LRRC27: variants seen among roughly 807,000 people sequenced by gnomAD.
LRRC27 encodes leucine-rich repeat-containing protein 27.
A neutral mutation model predicts 55.0 loss-of-function variants in LRRC27; 57 were observed. That is an observed-to-expected ratio of 1.04 (90% CI 0.84 to 1.29). The LOEUF is 1.29. LRRC27 is among the 50% of genes most tolerant of loss of function. The pLI is 0.00. For missense variants in LRRC27, 721 were observed against 651.5 expected (o/e 1.11, Z -1.16); for synonymous variants, 278 against 251.9 (o/e 1.10, Z -0.98).
At chr10:132,369,973 C>T (rs1035329235) in intron 10 of LRRC27, among the ~76,000 whole-genome samples, 9 of 152,166 alleles carry the variant, frequency 5.9e-5, no homozygotes, top group Admixed American at 3.3e-4. Context: ...CCACACCTGT[C>T]TCTCCATTGA....
At chr10:132,354,432 A>G (rs1275031670) in intron 7 of LRRC27, among the ~76,000 whole-genome samples, 3 of 152,098 alleles carry the variant, frequency 2.0e-5, no homozygotes, top group African/African-American at 7.2e-5. Context: ...CTCGTCCAGG[A>G]GCGCAGCGGG....
At chr10:132,344,789 G>A in intron 5 of LRRC27, 139 bp downstream of exon 5, 1 of 863,432 alleles carries the variant, frequency 1.2e-6, no homozygotes, top group Middle Eastern at 3.7e-4. Flanking sequence ...TTGACACAGT[G>A]TACACTGATC....
At chr10:132,333,014 C>A (rs2066892898) in intron 1 of LRRC27, among the ~76,000 whole-genome samples, 1 of 152,190 alleles carries the variant, frequency 6.6e-6, no homozygotes, top group South Asian at 2.1e-4. Context: ...AGACTTAGTT[C>A]TGGTCACTGG....
chr10:132,340,169 G>A (rs1352036425), intron 3 of LRRC27, among the ~76,000 whole-genome samples: 1 of 152,126 alleles, frequency 6.6e-6, no homozygotes. Flanking sequence ...CAACGTTTAC[G>A]TTTATATATT....
Position 132,355,892 on chromosome 10 carries a change from G to T in LRRC27, c.1170+6G>T. The T allele has an allele frequency of 6.5e-7, 1 of 1,548,048 alleles. No individual in the cohort carries two copies. The highest frequency in any genetic ancestry group is 8.7e-7 in the Non-Finnish European group (1 of 1,144,134). ...TGCCTCCGCGGAGGAGCATGGTACGGCACGCGCGGGCGGTGACCGGGCACT... is the reference window on the plus strand; with the variant it reads ...TGCCTCCGCGGAGGAGCATGGTACGTCACGCGCGGGCGGTGACCGGGCACT... On this transcript the variant is annotated splice_donor_region_variant and intron_variant, in intron 8 of 10. Transcript: ENST00000368614.
chr10:132,336,094 C>T lies in LRRC27; in HGVS notation c.211-1471C>T, dbSNP rs151265723. 4.8e-3 allele frequency among the ~76,000 whole-genome samples: 729 copies of T among 152,322 alleles called. 6 individuals are homozygous for T. The highest frequency in any genetic ancestry group is 0.017 in the African/African-American group (703 of 41,564). ...TTCAACCATAACCAGCTCCAAGTCA[C>T]AGGTGGTGCCTGCATTTCCAGAGGT... On this transcript the variant is annotated intron_variant, in intron 2 of 10. Transcript: ENST00000368614.
rs370761934 is a variant in LRRC27, at chr10:132,348,348, C to T, written c.918C>T (p.His306=). The part of the protein sequence containing the change: ...NIEKELPKPR[H]VFRRKTASSR... The stretch of plus-strand genomic sequence containing the variant: ...AGAAAGAACTACCAAAGCCAAGACA[C>T]GTTTTCAGGTAAAACTGAAAAGCAA... The change falls in exon 6 of 11, where the codon CAC becomes CAT. Residue 306 remains histidine (H), a synonymous_variant. Coordinates refer to ENST00000368614, the MANE Select transcript of LRRC27 (RefSeq NM_030626.3). This position sits in a 1 kb window ranked among gnomAD's most constrained non-coding sequence, Gnocchi z 4.2. 125 of 1,607,146 alleles carry T rather than the reference C, an allele frequency of 7.8e-5. No homozygotes were observed. The highest frequency in any genetic ancestry group is 1.9e-4 in the Admixed American group (11 of 59,452).
intron 10 of LRRC27, among the ~76,000 whole-genome samples, chr10:132,373,705 A>G (rs964861522): frequency 3.3e-5 from 5 of 152,192 alleles, no homozygotes; most frequent in Non-Finnish European, 5.9e-5. Flanking sequence ...AGAGGAAGGT[A>G]AGAGTTCCAG....
Position 132,364,346 on chromosome 10 carries a change from AAT to A in LRRC27, c.1290-1077_1290-1076del, listed in dbSNP as rs751190830. 1.2e-4 allele frequency among the ~76,000 whole-genome samples: 2 copies of A among 16,738 alleles called. 1 individual carries two copies. The highest frequency in any genetic ancestry group is 2.5e-4 in the Non-Finnish European group (2 of 8,162). The allele number at this position is 16,738 out of a possible 152,430, so 11.0% of individuals were successfully genotyped here. The stretch of plus-strand genomic sequence containing the variant: ...CACACCCATGACCACACCCACACTT[AAT>A]CTACCTCCACACCCGCGCTTACACC... On this transcript the variant is annotated intron_variant, in intron 9 of 10. Coordinates refer to ENST00000368614, the MANE Select transcript of LRRC27 (RefSeq NM_030626.3).
At chr10:132,364,432 TACATCTACCTCCACACCCACACTC>T in intron 9 of LRRC27, among the ~76,000 whole-genome samples, 1 of 126,074 alleles carries the variant, frequency 7.9e-6, no homozygotes, top group East Asian at 1.9e-4. Context: ...CACCCACGCT[TACATCTACCTCCACACCCACACTC>T]ACACCCACCC....
chr10:132,364,026 G>T (rs985687146), intron 9 of LRRC27, among the ~76,000 whole-genome samples: 2 of 151,884 alleles, frequency 1.3e-5, no homozygotes, highest in Non-Finnish European at 2.9e-5. Flanking sequence ...TGCCATATTT[G>T]GCCTTTAAAA....
At chr10:132,357,725 G>A (rs927782862) in intron 8 of LRRC27, among the ~76,000 whole-genome samples, 14 of 152,294 alleles carry the variant, frequency 9.2e-5, no homozygotes, top group African/African-American at 2.9e-4. Flanking sequence ...GAGAGTGTAC[G>A]CAGTTTCTTA....
rs570568479 is a variant in LRRC27, at chr10:132,347,965, C to T, written c.554-19C>T. 40 of 1,570,776 alleles carry T rather than the reference C, an allele frequency of 2.5e-5. No homozygotes were observed. The highest frequency in any genetic ancestry group is 3.0e-5 in the Non-Finnish European group (35 of 1,161,458). On this transcript the variant is annotated intron_variant, in intron 5 of 10. Coordinates refer to ENST00000368614, the MANE Select transcript of LRRC27 (RefSeq NM_030626.3). ...ATGGCGTTGATGGTAGCTACTAAAGCGGTTTCTTACTCTCCCAGAGGCTCC... is the reference window on the plus strand; with the variant it reads ...ATGGCGTTGATGGTAGCTACTAAAGTGGTTTCTTACTCTCCCAGAGGCTCC...
intron 8 of LRRC27, among the ~76,000 whole-genome samples, chr10:132,360,920 T>A (rs1190308743): frequency 1.3e-5 from 2 of 152,204 alleles, no homozygotes; most frequent in East Asian, 3.8e-4. Context: ...GGGGTCAGCG[T>A]GGCTCTCACA....
chr10:132,364,652 A>ACTTACACCCACG lies in LRRC27; in HGVS notation c.1290-766_1290-765insCCCACGCTTACA, dbSNP rs2068928740. ...ACGCCCACACTTAACACCCACCCAC[A>ACTTACACCCACG]CTTACATCTACCTGCACACCCACGC... On this transcript the variant is annotated intron_variant, in intron 9 of 10. Coordinates refer to ENST00000368614, the MANE Select transcript of LRRC27 (RefSeq NM_030626.3). Among the ~76,000 whole-genome samples, 3 of 59,190 alleles carry ACTTACACCCACG rather than the reference A, an allele frequency of 5.1e-5. 1 individual carries two copies. The highest frequency in any genetic ancestry group is 9.9e-5 in the Non-Finnish European group (3 of 30,194). The allele number at this position is 59,190 out of a possible 152,430, so 38.8% of individuals were successfully genotyped here. A position where few individuals can be genotyped will look rare whatever the true frequency, so the allele number is the denominator to read the frequency against.
chr10:132,347,981 C>T lies in LRRC27; in HGVS notation c.554-3C>T, dbSNP rs2067802510. The T allele has an allele frequency of 6.3e-7, 1 of 1,594,438 alleles. No individual in the cohort carries two copies. Among genetic ancestry groups the T allele is most frequent in the Non-Finnish European group, 8.5e-7 (1 of 1,171,618 alleles). ...CTACTAAAGCGGTTTCTTACTCTCC[C>T]AGAGGCTCCACCGGTTAGAGAGATG... On this transcript the variant is annotated splice_region_variant and splice_polypyrimidine_tract_variant and intron_variant, in intron 5 of 10. Coordinates refer to ENST00000368614, the MANE Select transcript of LRRC27 (RefSeq NM_030626.3).
At chr10:132,356,090 G>A (rs1462899224) in intron 8 of LRRC27, among the ~76,000 whole-genome samples, 1 of 152,208 alleles carries the variant, frequency 6.6e-6, no homozygotes, top group Non-Finnish European at 1.5e-5. Flanking sequence ...CTGGGTTGGA[G>A]TGCAGCATCC....
intron 2 of LRRC27, 178 bp from the exon 3 acceptor site, chr10:132,337,387 C>T (rs1232994065): frequency 1.4e-5 from 19 of 1,386,492 alleles, no homozygotes; most frequent in Non-Finnish European, 1.7e-5. Flanking sequence ...TCTTTTCTTT[C>T]TGATTCTTTT....
intron 3 of LRRC27, among the ~76,000 whole-genome samples, chr10:132,341,146 A>G (rs919375006): frequency 7.5e-6 from 1 of 133,840 alleles, no homozygotes; most frequent in Non-Finnish European, 1.6e-5. Context: ...AAATACCAAC[A>G]TTAGCCAGGC....
Sources: gnomAD v4.1 joint callset for allele counts (sites outside exome capture counted in the v4.1 genomes callset) on GRCh38, gnomAD v4.1.1 for gene constraint, Gnocchi (gnomAD v3.1) non-coding constraint, MANE v1.5 for transcripts, NCBI Gene and HGNC (gene_info 2026-07-23, HGNC 2026-07-21) for gene names.